The following KAZN variants were observed in gnomAD, a reference collection of about 807,000 sequenced individuals.
The protein encoded by KAZN is kazrin.
KAZN carries 40 observed loss-of-function variants against 87.4 expected under a neutral mutation model. The ratio of observed to expected loss-of-function variants is 0.46; its 90% CI spans 0.36 to 0.60. KAZN has a LOEUF of 0.60. Among genes scored for constraint, KAZN ranks in the 20% least tolerant of loss-of-function variants. The pLI, the probability that KAZN is intolerant of heterozygous loss-of-function variation, is 0.00. For synonymous variants in KAZN, 466 were observed against 458.3 expected (o/e 1.02, Z -0.22); for missense variants, 898 against 1,073.9 (o/e 0.84, Z 2.29).
At chr1:14,489,241 A>G (rs1366482559) in intron 2 of KAZN, among the ~76,000 whole-genome samples, 1 of 151,754 alleles carries the variant, frequency 6.6e-6, no homozygotes, top group Non-Finnish European at 1.5e-5. Flanking sequence ...ACTAGAGATA[A>G]TCACGGGTAA....
intron 1 of KAZN, among the ~76,000 whole-genome samples, chr1:14,830,766 C>A (rs1247491497): frequency 1.3e-5 from 2 of 152,168 alleles, no homozygotes; most frequent in Admixed American, 6.5e-5. Context: ...TAGAAACCAC[C>A]ACCATGATCT....
intron 1 of KAZN, among the ~76,000 whole-genome samples, chr1:14,833,149 G>C (rs1009750133): frequency 6.6e-6 from 1 of 152,158 alleles, no homozygotes; most frequent in Admixed American, 6.5e-5. Context: ...TGCCTCAGTC[G>C]AGTGCCCATC....
At chr1:14,392,491 G>A (rs371012567) in intron 2 of KAZN, among the ~76,000 whole-genome samples, 1 of 152,070 alleles carries the variant, frequency 6.6e-6, no homozygotes, top group Non-Finnish European at 1.5e-5. Flanking sequence ...CCCTGTGGAG[G>A]GTGCTGGATA....
In KAZN at chr1:15,114,710, T is replaced by A; in HGVS notation, c.*75T>A. On this transcript the variant is annotated 3_prime_UTR_variant, in exon 15 of 15. Transcript: ENST00000376030. ...GAAGCCAGATGGCCCCAGGTGTCGT[T>A]CTCACTGTACATAGCGGCCGCAGGC... is the stretch of plus-strand genomic sequence containing the variant. 13 of 1,451,836 alleles carry A rather than the reference T, an allele frequency of 9.0e-6. No individual in the cohort carries two copies. Among genetic ancestry groups the A allele is most frequent in the Non-Finnish European group, 1.2e-5 (13 of 1,070,360 alleles). The allele number at this position is 1,451,836 out of a possible 1,614,324, so 89.9% of individuals were successfully genotyped here. A position where few individuals can be genotyped will look rare whatever the true frequency, so the allele number is the denominator to read the frequency against.
intron 1 of KAZN, among the ~76,000 whole-genome samples, chr1:14,144,074 T>A (rs1031449187): frequency 6.6e-6 from 1 of 152,208 alleles, no homozygotes; most frequent in Admixed American, 6.5e-5. Flanking sequence ...TCTGTAGTTA[T>A]AAATCTGCTC....
In KAZN at chr1:15,060,148, T is replaced by C. The variant is rs767340929; in HGVS notation, c.917-24T>C. On this transcript the variant is annotated intron_variant, in intron 5 of 14. Transcript: ENST00000376030. ...CGAGGACGTTCTCTCCATCCCTCAC[T>C]CACCAGCTGTCCCTGCTTTCCAGCG... 11 of 1,613,644 alleles carry C rather than the reference T, an allele frequency of 6.8e-6. No individual in the cohort carries two copies. In the South Asian group the frequency reaches 1.2e-4, roughly 18 times the overall value.
intron 1 of KAZN, among the ~76,000 whole-genome samples, chr1:14,012,689 CAGCTACTTGGG>C (rs1278781542): frequency 1.3e-5 from 2 of 152,172 alleles, no homozygotes; most frequent in African/African-American, 4.8e-5. Flanking sequence ...CCTGTAATCC[CAGCTACTTGGG>C]AGGCTGAGGC....
At chr1:15,020,052 A>C (rs534979890) in intron 2 of KAZN, among the ~76,000 whole-genome samples, 3 of 151,942 alleles carry the variant, frequency 2.0e-5, no homozygotes, top group African/African-American at 7.3e-5. Context: ...CCCCAGCCCC[A>C]GGGGCCCTGG....
intron 2 of KAZN, among the ~76,000 whole-genome samples, chr1:14,332,763 T>C (rs1656942314): frequency 6.6e-6 from 1 of 152,202 alleles, no homozygotes; most frequent in African/African-American, 2.4e-5. Context: ...TTTGAGTTTT[T>C]ACACCTGAAG....
At chr1:13,896,872 G>A (rs1354856958) in intron 1 of KAZN, among the ~76,000 whole-genome samples, 2 of 152,314 alleles carry the variant, frequency 1.3e-5, no homozygotes, top group Non-Finnish European at 2.9e-5. Flanking sequence ...ACTAAAGGGC[G>A]CCTAGGATTT....
chr1:14,054,058 G>C (rs1426738384), intron 1 of KAZN, among the ~76,000 whole-genome samples: 2 of 151,734 alleles, frequency 1.3e-5, no homozygotes, highest in African/African-American at 4.8e-5. Context: ...GGAAGGGGAG[G>C]GATTGGTTTT....
intron 2 of KAZN, among the ~76,000 whole-genome samples, chr1:14,509,250 T>C (rs114171045): frequency 0.012 from 1,839 of 152,356 alleles, 33 homozygotes; most frequent in Non-Finnish European, 8.5e-3. Flanking sequence ...TTTAGTTTTA[T>C]ACTATATCCC....
chr1:15,048,254 A>G (rs1258701584), intron 4 of KAZN, among the ~76,000 whole-genome samples: 2 of 152,362 alleles, frequency 1.3e-5, no homozygotes, highest in East Asian at 1.9e-4. Flanking sequence ...CCCAAGAAGC[A>G]AAGCCCTCTA....
chr1:14,027,713 C>T (rs1641141282), intron 1 of KAZN, among the ~76,000 whole-genome samples: 1 of 152,070 alleles, frequency 6.6e-6, no homozygotes, highest in Non-Finnish European at 1.5e-5. Flanking sequence ...AAAATGTAGC[C>T]AAAATATTGG....
chr1:14,688,298 T>C (rs185974511), intron 1 of KAZN, among the ~76,000 whole-genome samples: 18 of 152,350 alleles, frequency 1.2e-4, no homozygotes, highest in African/African-American at 4.1e-4. Context: ...CTGGGCCTGT[T>C]TCTCATTTAC....
At chr1:15,039,902 T>C (rs1174534314) in intron 3 of KAZN, among the ~76,000 whole-genome samples, 1 of 152,186 alleles carries the variant, frequency 6.6e-6, no homozygotes, top group East Asian at 1.9e-4. Flanking sequence ...CCACTTTTAT[T>C]GATTGGCTTC....
At chr1:14,255,135 A>AG (rs561516534) in intron 2 of KAZN, among the ~76,000 whole-genome samples, 3,526 of 139,868 alleles carry the variant, frequency 0.025, 42 homozygotes, top group East Asian at 0.053. Context: ...AAAAAAAAAA[A>AG]AAAAAGAAGA....
At chr1:14,977,194 G>T (rs1222171801) in intron 2 of KAZN, among the ~76,000 whole-genome samples, 2 of 152,250 alleles carry the variant, frequency 1.3e-5, no homozygotes, top group Non-Finnish European at 2.9e-5. Flanking sequence ...GGCCCTGAGG[G>T]TCAGGACCTG....
At chr1:14,009,931 G>GGAAACCGA (rs1168028123) in intron 1 of KAZN, among the ~76,000 whole-genome samples, 3 of 151,880 alleles carry the variant, frequency 2.0e-5, no homozygotes, top group African/African-American at 4.8e-5. Flanking sequence ...TGGGAAACCG[G>GGAAACCGA]GTGGTTTCCT....
Sources: allele counts gnomAD v4.1 joint callset (sites outside exome capture counted in the v4.1 genomes callset), GRCh38; gene constraint gnomAD v4.1.1; transcripts MANE v1.5; gene names NCBI Gene and HGNC (gene_info 2026-07-23, HGNC 2026-07-21).